Variants in STAU1 observed in about 807,000 individuals in gnomAD.
STAU1 encodes the protein double-stranded RNA-binding protein Staufen homolog 1.
Under a neutral mutation model 62.9 loss-of-function variants are expected in STAU1, and 13 were observed. The observed-to-expected ratio is 0.21, with a 90% CI of 0.13 to 0.33. The LOEUF (loss-of-function observed/expected upper bound fraction) is 0.33, where lower values mean the gene tolerates loss of function less well. STAU1 is among the 10% of genes least tolerant of loss of function. The pLI, the probability that STAU1 is intolerant of heterozygous loss-of-function variation, is 1.00. For missense variants in STAU1, 571 were observed against 712.1 expected, an observed-to-expected ratio of 0.80 and a Z score of 2.25; for synonymous variants, 269 against 265.1, an observed-to-expected ratio of 1.01 and a Z score of -0.14.
intron 4 of STAU1, 21 bp downstream of exon 4, chr20:49,153,906 CAAAAAA>C (rs3092191): frequency 4.2e-5 from 57 of 1,369,400 alleles, no homozygotes; most frequent in Admixed American, 2.2e-4. Context: ...CTGTATTTTA[CAAAAAA>C]AAAAAAAAAA....
the STAU1 span, among the ~76,000 whole-genome samples, chr20:49,202,199 G>A: frequency 8.8e-6 from 1 of 113,486 alleles, no homozygotes; most frequent in Non-Finnish European, 1.9e-5. Flanking sequence ...CAGCCTGGGC[G>A]ACAGAGCGAG....
chr20:49,130,063 C>G (rs1209410860), intron 6 of STAU1, among the ~76,000 whole-genome samples: 1 of 150,884 alleles, frequency 6.6e-6, no homozygotes, highest in Non-Finnish European at 1.5e-5. Flanking sequence ...ACCAAAAACT[C>G]ACAACAATAC....
intron 1 of STAU1, among the ~76,000 whole-genome samples, chr20:49,181,059 G>A (rs2093718792): frequency 6.6e-6 from 1 of 152,138 alleles, no homozygotes; most frequent in African/African-American, 2.4e-5. Context: ...CCAGTTATCT[G>A]GCCCCTCGGA....
chr20:49,213,149 G>A, the STAU1 span, among the ~76,000 whole-genome samples: 1 of 151,998 alleles, frequency 6.6e-6, no homozygotes, highest in African/African-American at 2.4e-5. Flanking sequence ...GGGATTATAG[G>A]CGCACACTAC....
At chr20:49,218,476 C>T in the STAU1 span, among the ~76,000 whole-genome samples, 266 of 152,290 alleles carry the variant, frequency 1.7e-3, no homozygotes, top group Non-Finnish European at 3.3e-3. Context: ...CCGCCCGCCT[C>T]GGCCTCCCGA....
Position 49,113,689 on chromosome 20 carries a change from A to G in STAU1, c.*1189T>C, listed in dbSNP as rs1260689633. 1 of 152,646 alleles carries G rather than the reference A, an allele frequency of 6.6e-6. No homozygotes were observed. Among genetic ancestry groups the G allele is most frequent in the Non-Finnish European group, 1.5e-5 (1 of 68,058 alleles). The allele number at this position is 152,646 out of a possible 1,614,324, so 9.5% of individuals were successfully genotyped here. The stretch of plus-strand genomic sequence containing the variant: ...CCTCAGTGCACACACTTCTGTGTAC[A>G]GTAACACAACATCAAAAGCAACACA... On this transcript the variant is annotated 3_prime_UTR_variant, in exon 14 of 14. Coordinates refer to ENST00000371856, the MANE Select transcript of STAU1 (RefSeq NM_017453.4).
At chr20:49,192,044 C>A (rs1158458425), upstream of STAU1, among the ~76,000 whole-genome samples, 1 of 151,060 alleles carries the variant, frequency 6.6e-6, no homozygotes, top group Admixed American at 6.6e-5. Flanking sequence ...GAGCGAGACT[C>A]CATCTCAAAA....
At position 49,158,891 on chromosome 20, in the gene STAU1, A is replaced by G. The variant is rs760400268; in HGVS notation, c.206-4820T>C. The G allele has an allele frequency of 2.9e-6, 3 of 1,046,788 alleles. No individual in the cohort carries two copies. In the South Asian group the frequency reaches 4.4e-5, roughly 15 times the overall value. 64.8% of individuals were successfully genotyped at this position (1,046,788 alleles called of 1,614,324 possible). On this transcript the variant is annotated intron_variant, in intron 3 of 13. Transcript: ENST00000371856. ...GCACTCCAGCCTGGGCCACAGAATGAGACTCCATCTCAAAAATAAATAAAT... is the reference window on the plus strand; with the variant it reads ...GCACTCCAGCCTGGGCCACAGAATGGGACTCCATCTCAAAAATAAATAAAT...
chr20:49,150,666 A>C (rs534308774), intron 5 of STAU1, among the ~76,000 whole-genome samples: 1 of 151,684 alleles, frequency 6.6e-6, no homozygotes, highest in Non-Finnish European at 1.5e-5. Context: ...CAGCCACCTC[A>C]ATTTTTTTTT....
chr20:49,208,031 C>T, the STAU1 span, among the ~76,000 whole-genome samples: 2 of 151,944 alleles, frequency 1.3e-5, no homozygotes, highest in African/African-American at 4.8e-5. Flanking sequence ...CAGGTGCACA[C>T]CACCACACCC....
At chr20:49,177,818 A>G (rs7274851) in intron 1 of STAU1, among the ~76,000 whole-genome samples, 31,369 of 151,696 alleles carry the variant, frequency 0.21, 3,304 homozygotes, top group Non-Finnish European at 0.23. Flanking sequence ...AGAGAGAGAG[A>G]GGGGAGAAAT....
rs1012593913 is a variant in STAU1 at position 49,113,731 on chromosome 20, T to G, written c.*1147A>C. 2.6e-5 allele frequency: 4 copies of G among 152,630 alleles called. No individual in the cohort carries two copies. The highest frequency in any genetic ancestry group is 5.9e-5 in the Non-Finnish European group (4 of 68,036). 9.5% of individuals were successfully genotyped at this position (152,630 alleles called of 1,614,324 possible). A position where few individuals can be genotyped will look rare whatever the true frequency, so the allele number is the denominator to read the frequency against. On this transcript the variant is annotated 3_prime_UTR_variant, in exon 14 of 14. Coordinates refer to ENST00000371856, the MANE Select transcript of STAU1 (RefSeq NM_017453.4). The stretch of plus-strand genomic sequence containing the variant: ...AGCAACACAGCTGTATACAGAAACG[T>G]AGGTCATTCTTTTCAGCCCTAATGG...
At chr20:49,204,621 TA>T in the STAU1 span, among the ~76,000 whole-genome samples, 75 of 48,652 alleles carry the variant, frequency 1.5e-3, no homozygotes, top group East Asian at 5.2e-3. Context: ...TATATATATA[TA>T]TGTGTATATA....
At chr20:49,168,294 T>C (rs1600826328) in intron 2 of STAU1, among the ~76,000 whole-genome samples, 1 of 152,128 alleles carries the variant, frequency 6.6e-6, no homozygotes, top group East Asian at 1.9e-4. Flanking sequence ...TTGGCCAGGC[T>C]GCTCTCAAAC....
the STAU1 span, among the ~76,000 whole-genome samples, chr20:49,209,744 A>C: frequency 6.6e-6 from 1 of 152,002 alleles, no homozygotes; most frequent in Non-Finnish European, 1.5e-5. Flanking sequence ...ACTCTGTCCC[A>C]AAAAATATAC....
At chr20:49,209,076 C>T in the STAU1 span, among the ~76,000 whole-genome samples, 1 of 152,004 alleles carries the variant, frequency 6.6e-6, no homozygotes, top group Middle Eastern at 3.4e-3. Context: ...GCTGGGATTA[C>T]AGGCACATAC....
chr20:49,141,425 A>AT (rs2093004813), intron 5 of STAU1, among the ~76,000 whole-genome samples: 2 of 152,156 alleles, frequency 1.3e-5, no homozygotes, highest in Admixed American at 6.5e-5. Flanking sequence ...CTTAATCTCT[A>AT]CAAAAAAATT....
chr20:49,202,075 C>CCAGG, the STAU1 span, among the ~76,000 whole-genome samples: 1 of 150,048 alleles, frequency 6.7e-6, no homozygotes, highest in African/African-American at 2.4e-5. Context: ...AAAAAATTAG[C>CCAGG]TGGGCATGGT....
intron 8 of STAU1, among the ~76,000 whole-genome samples, chr20:49,122,561 C>T (rs1039868243): frequency 1.3e-5 from 2 of 152,102 alleles, no homozygotes; most frequent in African/African-American, 2.4e-5. Flanking sequence ...TGATATGTAG[C>T]CTTTACAGAT....
Sources: gnomAD v4.1 joint callset for allele counts (sites outside exome capture counted in the v4.1 genomes callset) on GRCh38, gnomAD v4.1.1 for gene constraint, MANE v1.5 for transcripts, NCBI Gene and HGNC (gene_info 2026-07-23, HGNC 2026-07-21) for gene names.